The following PCDHGB4 variants were observed in gnomAD, a reference collection of about 807,000 sequenced individuals.
PCDHGB4 encodes the protein protocadherin gamma-B4.
Under a neutral mutation model 60.5 loss-of-function variants are expected in PCDHGB4, and 38 were observed. The ratio of observed to expected loss-of-function variants is 0.63; its 90% CI spans 0.48 to 0.82. The LOEUF is 0.82. PCDHGB4 is among the 40% of genes least tolerant of loss of function. The probability of loss-of-function intolerance (pLI) is 0.00; values close to 1 mark genes in which losing one functional copy is unlikely to be tolerated. For missense variants in PCDHGB4, 1,109 were observed against 1,209.6 expected (o/e 0.92, Z 1.23); for synonymous variants, 456 against 509.7 (o/e 0.89, Z 1.42).
chr5:141,394,321 C>T lies in PCDHGB4; in HGVS notation c.2397+4040C>T, dbSNP rs11575959. ...ACGCTGCAGGGGGCGCCCCTGTCCT[C>T]GTATATCTCCATCAACTCTGACACC... On this transcript the variant is annotated intron_variant, in intron 1 of 3. Coordinates refer to ENST00000519479, the MANE Select transcript of PCDHGB4 (RefSeq NM_003736.4). 25 of 1,613,846 alleles carry T rather than the reference C, an allele frequency of 1.5e-5. No homozygotes were observed. The Admixed American group carries it at 2.7e-4, about 17-fold the overall frequency.
chr5:141,433,812 G>A (rs535623556), intron 1 of PCDHGB4, among the ~76,000 whole-genome samples: 46 of 150,530 alleles, frequency 3.1e-4, no homozygotes, highest in African/African-American at 1.1e-3. Context: ...ACTCCAGCCT[G>A]GGCAACAAGA....
intron 1 of PCDHGB4, chr5:141,422,919 G>A (rs1445179310): frequency 3.7e-6 from 6 of 1,614,238 alleles, no homozygotes; most frequent in Non-Finnish European, 5.1e-6. Flanking sequence ...CCGAGATCCT[G>A]TACCCTGCCC....
chr5:141,431,393 C>T lies in PCDHGB4; in HGVS notation c.2397+41112C>T, dbSNP rs1485575362. 5 of 1,613,884 alleles carry T rather than the reference C, an allele frequency of 3.1e-6. No individual in the cohort carries two copies. Among genetic ancestry groups the T allele is most frequent in the Non-Finnish European group, 4.2e-6 (5 of 1,180,048 alleles). On this transcript the variant is annotated intron_variant, in intron 1 of 3. Coordinates refer to ENST00000519479, the MANE Select transcript of PCDHGB4 (RefSeq NM_003736.4). The surrounding 1 kb of genome is among the most constrained non-coding windows in gnomAD (Gnocchi z 4.8). ...AGAAAAGGCTGCTCACCACCTGGTC[C>T]TTACGGCCTCCGACGGGGGCGACCC...
intron 1 of PCDHGB4, among the ~76,000 whole-genome samples, chr5:141,472,273 G>A (rs2099275685): frequency 6.6e-6 from 1 of 152,170 alleles, no homozygotes; most frequent in South Asian, 2.1e-4. Context: ...CGGGCACAGT[G>A]GCTCACACCT....
rs536313993 is a variant in PCDHGB4, at chr5:141,436,142, T to G, written c.2397+45861T>G. Among the ~76,000 whole-genome samples, 46 of 152,334 alleles carry G rather than the reference T, an allele frequency of 3.0e-4. No homozygotes were observed. The South Asian group carries it at 3.1e-3, about 10-fold the overall frequency. ...CTCTCCTCCATCATCTTGTATGAAC[T>G]ACCAAAATGTTTATCATATGGACAG... On this transcript the variant is annotated intron_variant, in intron 1 of 3. Coordinates refer to ENST00000519479, the MANE Select transcript of PCDHGB4 (RefSeq NM_003736.4).
chr5:141,459,795 C>T (rs1394778891), intron 1 of PCDHGB4, among the ~76,000 whole-genome samples: 1 of 152,190 alleles, frequency 6.6e-6, no homozygotes, highest in Non-Finnish European at 1.5e-5. Flanking sequence ...AACTGTTTTT[C>T]CCTGTTGACT....
At chr5:141,438,637 C>T (rs11958903) in intron 1 of PCDHGB4, among the ~76,000 whole-genome samples, 3,503 of 30,116 alleles carry the variant, frequency 0.12, 108 homozygotes, top group Non-Finnish European at 0.15. Context: ...TATATATATA[C>T]ACACACACAC....
At chr5:141,451,004 T>A (rs2098704048) in intron 1 of PCDHGB4, among the ~76,000 whole-genome samples, 1 of 151,474 alleles carries the variant, frequency 6.6e-6, no homozygotes, top group South Asian at 2.1e-4. Flanking sequence ...TTTTTGTATT[T>A]TTTTTAGTAG....
intron 1 of PCDHGB4, among the ~76,000 whole-genome samples, chr5:141,480,195 G>C (rs1350891459): frequency 6.6e-6 from 1 of 151,182 alleles, no homozygotes; most frequent in African/African-American, 2.4e-5. Flanking sequence ...CTTGAGGCCA[G>C]CAGTTCAAGA....
rs17097294 is a variant in PCDHGB4 at position 141,425,513 on chromosome 5, T to G, written c.2397+35232T>G. On this transcript the variant is annotated intron_variant, in intron 1 of 3. Coordinates refer to ENST00000519479, the MANE Select transcript of PCDHGB4 (RefSeq NM_003736.4). ...AGGCTATACCTTTATATTCTCTTTA[T>G]GATGAAACATGAAACAATAATCCTT... Among the ~76,000 whole-genome samples, 699 of 152,380 alleles carry G rather than the reference T, an allele frequency of 4.6e-3. 4 individuals carry two copies. The highest frequency in any genetic ancestry group is 0.015 in the African/African-American group (636 of 41,592).
At chr5:141,437,188 G>T (rs1303844523) in intron 1 of PCDHGB4, among the ~76,000 whole-genome samples, 1 of 152,146 alleles carries the variant, frequency 6.6e-6, no homozygotes, top group Non-Finnish European at 1.5e-5. Context: ...CTGGGCAATG[G>T]GTTTGGATGT....
chr5:141,479,606 T>TA (rs1315315740), intron 1 of PCDHGB4: 1 of 152,184 alleles, frequency 6.6e-6, no homozygotes, highest in Non-Finnish European at 1.5e-5. Context: ...GCCTAGGCAA[T>TA]ATAGGGAAAC....
At chr5:141,418,326 C>T (rs1398536611) in intron 1 of PCDHGB4, 2 of 1,613,986 alleles carry the variant, frequency 1.2e-6, no homozygotes, top group Non-Finnish European at 1.7e-6. Context: ...ATTCTTGAGT[C>T]TGCAGAAGAT....
intron 2 of PCDHGB4, among the ~76,000 whole-genome samples, chr5:141,499,689 CTTTTT>C (rs545067566): frequency 3.3e-5 from 4 of 119,852 alleles, no homozygotes; most frequent in Non-Finnish European, 3.5e-5. Flanking sequence ...TAACAGATGA[CTTTTT>C]TTTTTTTTTT....
intron 1 of PCDHGB4, chr5:141,403,406 T>A: frequency 6.2e-7 from 1 of 1,614,058 alleles, no homozygotes; most frequent in South Asian, 1.1e-5. Flanking sequence ...TGGAGCACGT[T>A]ATCCACTTCC....
At chr5:141,457,439 C>T (rs2098920819) in intron 1 of PCDHGB4, among the ~76,000 whole-genome samples, 1 of 152,194 alleles carries the variant, frequency 6.6e-6, no homozygotes, top group Non-Finnish European at 1.5e-5. Context: ...CACCAAGCTG[C>T]AGAAGATCAC....
Position 141,477,864 on chromosome 5 carries a change from G to A in PCDHGB4, c.2398-16943G>A, listed in dbSNP as rs775055164. On this transcript the variant is annotated intron_variant, in intron 1 of 3. Transcript: ENST00000519479. The surrounding 1 kb of genome is among the most constrained non-coding windows in gnomAD (Gnocchi z 4.9). Reference sequence around the variant, plus strand: ...AGCTCGGTGGAGATGCTGCCTCGAGGTACCTCAGCTGGCCACCTAGTGTCA... The same window carrying A: ...AGCTCGGTGGAGATGCTGCCTCGAGATACCTCAGCTGGCCACCTAGTGTCA... 1.2e-6 allele frequency: 2 copies of A among 1,613,122 alleles called. No homozygotes were observed. The highest frequency in any genetic ancestry group is 4.5e-5 in the East Asian group (2 of 44,822).
Position 141,490,345 on chromosome 5 carries a change from G to C in PCDHGB4, c.2398-4462G>C, listed in dbSNP as rs2099698831. On this transcript the variant is annotated intron_variant, in intron 1 of 3. Coordinates refer to ENST00000519479, the MANE Select transcript of PCDHGB4 (RefSeq NM_003736.4). This position sits in a 1 kb window ranked among gnomAD's most constrained non-coding sequence, Gnocchi z 5.4. ...AGAGAGCACACCAGTGGGCACAGTA[G>C]TGGGGTTGTTTAATGTGCGAGACCG... is the stretch of plus-strand genomic sequence containing the variant. 1 of 1,614,216 alleles carries C rather than the reference G, an allele frequency of 6.2e-7. No homozygotes were observed. Among genetic ancestry groups the C allele is most frequent in the Non-Finnish European group, 8.5e-7 (1 of 1,180,034 alleles).
Position 141,431,999 on chromosome 5 carries a change from C to G in PCDHGB4, c.2397+41718C>G. The G allele has an allele frequency of 6.2e-7, 1 of 1,614,158 alleles. No homozygotes were observed. The highest frequency in any genetic ancestry group is 1.1e-5 in the South Asian group (1 of 91,086). On this transcript the variant is annotated intron_variant, in intron 1 of 3. Transcript: ENST00000519479. This position sits in a 1 kb window ranked among gnomAD's most constrained non-coding sequence, Gnocchi z 4.8. ...CACAGACATAGTCTTGGATAGGGAA[C>G]AGGTTCCTAGCTACAACATCACAGT... is the stretch of plus-strand genomic sequence containing the variant.
Sources: allele counts gnomAD v4.1 joint callset (sites outside exome capture counted in the v4.1 genomes callset), GRCh38; gene constraint gnomAD v4.1.1; non-coding constraint Gnocchi (gnomAD v3.1); transcripts MANE v1.5; gene names NCBI Gene and HGNC (gene_info 2026-07-23, HGNC 2026-07-21).